SORT1: variants seen among roughly 807,000 people sequenced by gnomAD.
The protein encoded by SORT1 is sortilin 1.
In SORT1, 39 loss-of-function variants were observed where a neutral mutation model predicts 101.7. The observed-to-expected ratio is 0.38, with a 90% confidence interval of 0.30 to 0.50. The LOEUF is 0.50. SORT1 is among the 20% of genes least tolerant of loss of function. The pLI is 0.90. For synonymous variants in SORT1, 396 were observed against 393.7 expected, an observed-to-expected ratio of 1.01 and a Z score of -0.07; for missense variants, 878 against 1,040.4, an observed-to-expected ratio of 0.84 and a Z score of 2.15.
intron 18 of SORT1, 106 bp from the exon 19 acceptor site, chr1:109,314,490 C>A: frequency 2.3e-6 from 3 of 1,328,002 alleles, no homozygotes; most frequent in Middle Eastern, 1.9e-4. Context: ...GCATCACAGA[C>A]ACAGAAAGCA....
At chr1:109,326,428 AATATAT>A (rs1166570516) in intron 13 of SORT1, among the ~76,000 whole-genome samples, 8,707 of 70,822 alleles carry the variant, frequency 0.12, 568 homozygotes, top group Non-Finnish European at 0.16. Flanking sequence ...AGACAGAAAG[AATATAT>A]ATATATATAT....
At chr1:109,378,742 ATATATATATATATATATAT>A (rs1652031753) in intron 1 of SORT1, among the ~76,000 whole-genome samples, 37 of 93,964 alleles carry the variant, frequency 3.9e-4, no homozygotes, top group African/African-American at 1.7e-3. Flanking sequence ...ATATATATAT[ATATATATATATATATATAT>A]AAAGATGTTA....
chr1:109,370,565 C>G (rs1651428398), intron 1 of SORT1, among the ~76,000 whole-genome samples: 1 of 151,970 alleles, frequency 6.6e-6, no homozygotes, highest in African/African-American at 2.4e-5. Flanking sequence ...AGTGAAGATC[C>G]TTCTCTTTTC....
intron 3 of SORT1, among the ~76,000 whole-genome samples, chr1:109,365,186 A>G (rs1650996997): frequency 6.6e-6 from 1 of 152,206 alleles, no homozygotes; most frequent in African/African-American, 2.4e-5. Flanking sequence ...TACTGCTTTT[A>G]TAATGAAACA....
At chr1:109,317,826 G>A (rs376554239) in intron 16 of SORT1, 27 bp downstream of exon 16, 7 of 1,390,012 alleles carry the variant, frequency 5.0e-6, no homozygotes, top group South Asian at 2.3e-5. Context: ...CTCATCCATC[G>A]TGACAAGGGA....
intron 8 of SORT1, among the ~76,000 whole-genome samples, chr1:109,343,675 G>A (rs187088530): frequency 1.6e-3 from 241 of 152,198 alleles, no homozygotes; most frequent in African/African-American, 5.2e-3. Flanking sequence ...TTGAGACAGA[G>A]TCTCACTCTG....
chr1:109,374,718 G>A (rs563151242), intron 1 of SORT1, among the ~76,000 whole-genome samples: 1 of 152,336 alleles, frequency 6.6e-6, no homozygotes, highest in East Asian at 1.9e-4. Flanking sequence ...CAGCACTTTG[G>A]GAGACTGAGG....
At chr1:109,362,624 G>A (rs1005153019) in intron 3 of SORT1, among the ~76,000 whole-genome samples, 3 of 151,888 alleles carry the variant, frequency 2.0e-5, no homozygotes, top group Non-Finnish European at 4.4e-5. Flanking sequence ...ACTACAAGTG[G>A]GAAAATAAAG....
intron 15 of SORT1, among the ~76,000 whole-genome samples, chr1:109,319,084 T>C (rs1210084798): frequency 2.6e-5 from 4 of 152,200 alleles, no homozygotes; most frequent in African/African-American, 4.8e-5. Flanking sequence ...AGCCAGCAAT[T>C]CTTTTCTTTA....
chr1:109,367,911 G>A (rs1380280753), intron 2 of SORT1, among the ~76,000 whole-genome samples: 2 of 151,880 alleles, frequency 1.3e-5, no homozygotes, highest in African/African-American at 4.8e-5. Flanking sequence ...CATTTTTTCA[G>A]TACCTTATCT....
At chr1:109,357,615 T>G (rs1650415610) in intron 3 of SORT1, among the ~76,000 whole-genome samples, 1 of 152,224 alleles carries the variant, frequency 6.6e-6, no homozygotes, top group South Asian at 2.1e-4. Flanking sequence ...TCCTCTGTCT[T>G]GCTGGGGGCT....
intron 1 of SORT1, chr1:109,389,839 G>C (rs1374382399): frequency 6.6e-6 from 1 of 152,314 alleles, no homozygotes; most frequent in Non-Finnish European, 1.5e-5. Flanking sequence ...GCCTCTGAAA[G>C]GGGAACTCTT....
intron 1 of SORT1, among the ~76,000 whole-genome samples, chr1:109,396,389 C>A (rs1233149315): frequency 6.6e-6 from 1 of 152,006 alleles, no homozygotes; most frequent in Non-Finnish European, 1.5e-5. Context: ...GAAGTCTATT[C>A]GATTTTTTTT....
chr1:109,319,759 C>T (rs764719056), intron 15 of SORT1, among the ~76,000 whole-genome samples: 3 of 151,506 alleles, frequency 2.0e-5, no homozygotes, highest in Non-Finnish European at 4.4e-5. Context: ...CCCAGCTACT[C>T]GGGAGGCTGA....
In SORT1 at chr1:109,386,670, T is replaced by G. The variant is rs1311836914; in HGVS notation, c.306+10917A>C. On this transcript the variant is annotated intron_variant, in intron 1 of 19. Transcript: ENST00000256637. ...GAATCCCAGACCAGCCTAGGCAGCA[T>G]AGTAAGACCTCATCTCTATTTTTAA... Among the ~76,000 whole-genome samples the G allele has an allele frequency of 2.0e-5, 3 of 152,132 alleles. No homozygotes were observed. The East Asian group carries it at 5.8e-4, about 29-fold the overall frequency.
At chr1:109,326,528 CAT>C (rs1270165487) in intron 13 of SORT1, among the ~76,000 whole-genome samples, 46 of 136,852 alleles carry the variant, frequency 3.4e-4, no homozygotes, top group African/African-American at 1.1e-3. Flanking sequence ...TATATATACA[CAT>C]ATATATACAT....
At chr1:109,377,251 G>A (rs991237650) in intron 1 of SORT1, among the ~76,000 whole-genome samples, 2 of 152,094 alleles carry the variant, frequency 1.3e-5, no homozygotes, top group Non-Finnish European at 2.9e-5. Context: ...AATGGCAGAC[G>A]CTATAATTTG....
chr1:109,322,121 T>C lies in SORT1; in HGVS notation c.2024+811A>G, dbSNP rs148694299. Among the ~76,000 whole-genome samples the C allele has an allele frequency of 8.8e-3, 1,342 of 151,974 alleles. 25 individuals carry two copies. Among genetic ancestry groups the C allele is most frequent in the African/African-American group, 0.031 (1,281 of 41,498 alleles). On this transcript the variant is annotated intron_variant, in intron 15 of 19. Coordinates refer to ENST00000256637, the MANE Select transcript of SORT1 (RefSeq NM_002959.7). ...CTTTCTTTCTGTTTTTTTTTTTGTT[T>C]GAGACAGGGTCTCATCATATTGCCC...
At chr1:109,322,660 C>T (rs1557781142) in intron 15 of SORT1, among the ~76,000 whole-genome samples, 2 of 151,888 alleles carry the variant, frequency 1.3e-5, no homozygotes, top group African/African-American at 4.8e-5. Context: ...ACCTGAGCAG[C>T]TTGGGATTAT....
Sources: gnomAD v4.1 joint callset for allele counts (sites outside exome capture counted in the v4.1 genomes callset) on GRCh38, gnomAD v4.1.1 for gene constraint, MANE v1.5 for transcripts, NCBI Gene and HGNC (gene_info 2026-07-23, HGNC 2026-07-21) for gene names.